The following SIK3 variants were observed in gnomAD, a reference collection of about 807,000 sequenced individuals.
SIK3 encodes serine/threonine-protein kinase SIK3.
A neutral mutation model predicts 144.2 loss-of-function variants in SIK3; 28 were observed. The ratio of observed to expected loss-of-function variants is 0.19; its 90% CI spans 0.14 to 0.27. The LOEUF (loss-of-function observed/expected upper bound fraction) is 0.27. Among genes scored for constraint, SIK3 ranks in the 10% least tolerant of loss-of-function variants. SIK3 has a pLI of 1.00. For synonymous variants in SIK3, 686 were observed against 676.3 expected, an observed-to-expected ratio of 1.01 and a Z score of -0.22; for missense variants, 1,319 against 1,776.0, an observed-to-expected ratio of 0.74 and a Z score of 4.62.
At chr11:117,013,289 G>A (rs991311186) in intron 1 of SIK3, among the ~76,000 whole-genome samples, 3 of 151,994 alleles carry the variant, frequency 2.0e-5, no homozygotes, top group African/African-American at 4.8e-5. Context: ...TCAGGAGCTC[G>A]AGACCAGCCT....
At position 116,883,656 on chromosome 11, in the gene SIK3, C is replaced by T. The variant is rs12290583; in HGVS notation, c.866-6614G>A. Among the ~76,000 whole-genome samples the T allele has an allele frequency of 9.7e-3, 1,479 of 152,196 alleles. 20 individuals are homozygous for T. Among genetic ancestry groups the T allele is most frequent in the African/African-American group, 0.031 (1,291 of 41,530 alleles). On this transcript the variant is annotated intron_variant, in intron 6 of 24. Coordinates refer to ENST00000445177, the MANE Select transcript of SIK3 (RefSeq NM_001366686.3). ...GTCCTCAAAATAAGACATTTGGGCC[C>T]GGCATGGTGGCTCACGCCTATAATC... is the stretch of plus-strand genomic sequence containing the variant.
At chr11:117,023,451 C>T (rs903748656) in intron 1 of SIK3, among the ~76,000 whole-genome samples, 1 of 147,540 alleles carries the variant, frequency 6.8e-6, no homozygotes. Context: ...CTCACTCTGT[C>T]GCTCAAGCTG....
intron 1 of SIK3, among the ~76,000 whole-genome samples, chr11:116,964,839 G>A (rs535090086): frequency 2.6e-5 from 4 of 151,106 alleles, no homozygotes; most frequent in South Asian, 2.1e-4. Context: ...CCGAGATGGC[G>A]CCGCTGCACT....
At chr11:117,017,238 G>A (rs73594145) in intron 1 of SIK3, among the ~76,000 whole-genome samples, 2 of 152,074 alleles carry the variant, frequency 1.3e-5, no homozygotes, top group Admixed American at 1.3e-4. Context: ...GGGTGACAGA[G>A]CAAGATTCTG....
At chr11:116,892,405 C>A (rs1945174543) in intron 6 of SIK3, among the ~76,000 whole-genome samples, 1 of 152,072 alleles carries the variant, frequency 6.6e-6, no homozygotes, top group Non-Finnish European at 1.5e-5. Flanking sequence ...TAAAAACGAC[C>A]AATAGACCTG....
At position 116,843,581 on chromosome 11, in the gene SIK3, T is replaced by C. The variant is rs1016584293; in HGVS notation, c.*2062A>G. The C allele has an allele frequency of 6.6e-6, 1 of 152,162 alleles. No homozygotes were observed. Among genetic ancestry groups the C allele is most frequent in the Non-Finnish European group, 1.5e-5 (1 of 68,058 alleles). The allele number at this position is 152,162 out of a possible 1,614,324, so 9.4% of individuals were successfully genotyped here. ...ACAAAGCAATGAGTTTTTTTTAAAG[T>C]GTAGTTTGCAAGATGGCACGGTTAG... On this transcript the variant is annotated 3_prime_UTR_variant, in exon 25 of 25. Transcript: ENST00000445177.
chr11:117,078,011 T>C (rs1340123295), intron 1 of SIK3, among the ~76,000 whole-genome samples: 1 of 152,196 alleles, frequency 6.6e-6, no homozygotes, highest in Non-Finnish European at 1.5e-5. Context: ...TGGGTAATCA[T>C]GTGAAAATAC....
At chr11:116,879,252 C>A (rs570120482) in intron 6 of SIK3, among the ~76,000 whole-genome samples, 2 of 152,206 alleles carry the variant, frequency 1.3e-5, no homozygotes, top group East Asian at 3.9e-4. Flanking sequence ...GTCCTGAAAA[C>A]AAAACTGGCC....
At chr11:117,068,151 A>G (rs1360261718) in intron 1 of SIK3, among the ~76,000 whole-genome samples, 1 of 152,218 alleles carries the variant, frequency 6.6e-6, no homozygotes, top group African/African-American at 2.4e-5. Flanking sequence ...ACACAATATT[A>G]TCATCAAACC....
chr11:116,847,665 C>G, intron 22 of SIK3, 57 bp from the exon 23 acceptor site: 1 of 1,606,716 alleles, frequency 6.2e-7, no homozygotes, highest in Non-Finnish European at 8.5e-7. Flanking sequence ...CTCAGGCAAC[C>G]CCTAGAGACA....
intron 1 of SIK3, among the ~76,000 whole-genome samples, chr11:117,022,115 T>C (rs1325939552): frequency 6.6e-6 from 1 of 152,076 alleles, no homozygotes; most frequent in Non-Finnish European, 1.5e-5. Flanking sequence ...TTCTACCCAT[T>C]GCTACAGAAA....
chr11:116,889,837 C>T (rs1416732707), intron 6 of SIK3, among the ~76,000 whole-genome samples: 1 of 152,176 alleles, frequency 6.6e-6, no homozygotes, highest in African/African-American at 2.4e-5. Context: ...GCGGAGGCTG[C>T]AGTGAGCCAA....
intron 1 of SIK3, among the ~76,000 whole-genome samples, chr11:117,009,038 C>T (rs1951155484): frequency 6.6e-6 from 1 of 151,810 alleles, no homozygotes; most frequent in African/African-American, 2.4e-5. Flanking sequence ...AGATCAAGAC[C>T]AGCCTGACCA....
chr11:116,862,649 A>G (rs995178515), intron 16 of SIK3, among the ~76,000 whole-genome samples: 1 of 152,204 alleles, frequency 6.6e-6, no homozygotes, highest in Admixed American at 6.5e-5. Flanking sequence ...TCTTTATAGA[A>G]TCTTTATAGT....
At chr11:117,028,862 T>C (rs1195013927) in intron 1 of SIK3, among the ~76,000 whole-genome samples, 1 of 152,062 alleles carries the variant, frequency 6.6e-6, no homozygotes, top group Admixed American at 6.6e-5. Flanking sequence ...CATGCTGACA[T>C]GCATGCATTA....
chr11:117,070,443 C>CTTTTTTTTTTTTTTTTTTTTTT (rs34756068), intron 1 of SIK3, among the ~76,000 whole-genome samples: 2 of 146,684 alleles, frequency 1.4e-5, no homozygotes, highest in Non-Finnish European at 1.5e-5. Context: ...TGAACAATAC[C>CTTTTTTTTTTTTTTTTTTTTTT]TTTTTTTTTT....
chr11:116,875,322 A>C, intron 10 of SIK3, 52 bp downstream of exon 10: 2 of 1,613,190 alleles, frequency 1.2e-6, no homozygotes, highest in South Asian at 1.1e-5. Context: ...GGAAGCAAGG[A>C]TATGGCAAAG....
chr11:116,947,844 A>AAG (rs1386891662), intron 3 of SIK3, among the ~76,000 whole-genome samples: 1 of 151,822 alleles, frequency 6.6e-6, no homozygotes, highest in Non-Finnish European at 1.5e-5. Flanking sequence ...GATTACAGGC[A>AAG]TGAGCCACCG....
intron 6 of SIK3, among the ~76,000 whole-genome samples, chr11:116,882,139 T>C (rs1213137400): frequency 2.0e-5 from 3 of 152,018 alleles, no homozygotes; most frequent in Non-Finnish European, 4.4e-5. Flanking sequence ...GCTAGGTTAG[T>C]ACAAAATGGG....
Sources: gnomAD v4.1 joint callset for allele counts (sites outside exome capture counted in the v4.1 genomes callset) on GRCh38, gnomAD v4.1.1 for gene constraint, MANE v1.5 for transcripts, NCBI Gene and HGNC (gene_info 2026-07-23, HGNC 2026-07-21) for gene names.